Variants in MAP3K19 observed in about 807,000 individuals in gnomAD.
MAP3K19 encodes mitogen-activated protein kinase kinase kinase 19, also known as SPS1/STE20-related protein kinase YSK4.
MAP3K19 carries 91 observed loss-of-function variants against 114.4 expected under a neutral mutation model. That is an observed-to-expected ratio of 0.80 (90% CI 0.67 to 0.95). The LOEUF (loss-of-function observed/expected upper bound fraction) is 0.95, where lower values mean the gene tolerates loss of function less well. MAP3K19 is among the 40% of genes least tolerant of loss of function. The pLI is 0.00. For synonymous variants in MAP3K19, 518 were observed against 530.5 expected, an observed-to-expected ratio of 0.98 and a Z score of 0.32; for missense variants, 1,471 against 1,573.2, an observed-to-expected ratio of 0.94 and a Z score of 1.10.
chr2:135,026,499 C>T (rs1386850807), intron 3 of MAP3K19, among the ~76,000 whole-genome samples: 1 of 138,324 alleles, frequency 7.2e-6, no homozygotes, highest in Admixed American at 7.3e-5. Flanking sequence ...GAAGCTCCCT[C>T]CTCCTTTTTT....
chr2:135,017,221 C>G (rs1687636204), intron 5 of MAP3K19, among the ~76,000 whole-genome samples: 1 of 152,134 alleles, frequency 6.6e-6, no homozygotes, highest in African/African-American at 2.4e-5. Flanking sequence ...GTGGGCTTCG[C>G]TGGGTTAATC....
chr2:135,031,967 CT>C (rs1688391288), intron 2 of MAP3K19, among the ~76,000 whole-genome samples: 1 of 152,130 alleles, frequency 6.6e-6, no homozygotes, highest in South Asian at 2.1e-4. Context: ...ATTTCAAGTG[CT>C]TCTGCATGAA....
At chr2:135,042,514 A>AAAAGAAAAAAGAAAATT in intron 1 of MAP3K19, among the ~76,000 whole-genome samples, 1 of 147,074 alleles carries the variant, frequency 6.8e-6, no homozygotes, top group South Asian at 2.2e-4. Flanking sequence ...AAAAAAAAAA[A>AAAAGAAAAAAGAAAATT]AAAAAGAAAA....
intron 8 of MAP3K19, among the ~76,000 whole-genome samples, chr2:134,996,526 G>A (rs1237312349): frequency 2.0e-5 from 3 of 152,020 alleles, no homozygotes; most frequent in Admixed American, 2.0e-4. Context: ...ATCCTATAGC[G>A]GAACAAAGAA....
intron 5 of MAP3K19, among the ~76,000 whole-genome samples, chr2:135,015,747 G>C (rs956521978): frequency 6.6e-6 from 1 of 151,932 alleles, no homozygotes; most frequent in Non-Finnish European, 1.5e-5. Flanking sequence ...ACAAAAATTA[G>C]CCGGGCATGG....
chr2:135,038,763 C>T (rs1236254018), intron 2 of MAP3K19, among the ~76,000 whole-genome samples: 1 of 151,608 alleles, frequency 6.6e-6, no homozygotes, highest in Admixed American at 6.6e-5. Flanking sequence ...GAGACTGAGG[C>T]ATGAGAATCG....
In MAP3K19 at chr2:134,985,986, A is replaced by C; in HGVS notation, c.2886T>G (p.Asn962Lys). 1 of 1,613,676 alleles carries C rather than the reference A, an allele frequency of 6.2e-7. No homozygotes were observed. Among genetic ancestry groups the C allele is most frequent in the Non-Finnish European group, 8.5e-7 (1 of 1,179,848 alleles). Residue 962 changes from asparagine to lysine, a missense_variant, in exon 10 of 13, where the codon AAT (asparagine) becomes AAG (lysine). Coordinates refer to ENST00000392915, the MANE Select transcript of MAP3K19 (RefSeq NM_025052.5). ...ISQEIMDSVN[N>K]EELTDELLGC... ...CTAATAGTTCATCTGTCAATTCTTC[A>C]TTATTTACAGAGTCCATAATTTCTT...
At chr2:135,039,135 T>C (rs1688595933) in intron 2 of MAP3K19, among the ~76,000 whole-genome samples, 3 of 151,000 alleles carry the variant, frequency 2.0e-5, no homozygotes, top group Admixed American at 2.0e-4. Flanking sequence ...TTTTTTTTTT[T>C]TTTTTTTAGC....
At chr2:134,991,300 CA>C in intron 9 of MAP3K19, 1 of 466,974 alleles carries the variant, frequency 2.1e-6, no homozygotes, top group Non-Finnish European at 3.8e-6. Flanking sequence ...GACTCTGTCT[CA>C]AAAAACAAAA....
At chr2:134,989,884 C>A (rs964042714) in intron 9 of MAP3K19, among the ~76,000 whole-genome samples, 4 of 152,052 alleles carry the variant, frequency 2.6e-5, no homozygotes, top group African/African-American at 7.2e-5. Flanking sequence ...GAGTTCAAGA[C>A]CCACCTGACC....
In MAP3K19 at chr2:134,981,012, G is replaced by A. The variant is rs771684660; in HGVS notation, c.3729C>T (p.Gly1243=). The A allele has an allele frequency of 9.9e-6, 16 of 1,614,082 alleles. No individual in the cohort carries two copies. The African/African-American group carries it at 2.1e-4, about 22-fold the overall frequency. ...TCCAGATATCTGATTTCCGTCCATAGCCAGACTCATTGATGACTTCTGGGG... is the reference window on the plus strand; with the variant it reads ...TCCAGATATCTGATTTCCGTCCATAACCAGACTCATTGATGACTTCTGGGG... ...WMAPEVINES[G]YGRKSDIWSI... The change falls in exon 12 of 13, where the codon GGC becomes GGT. Residue 1243 remains glycine (G), a synonymous_variant. Transcript: ENST00000392915.
intron 4 of MAP3K19, among the ~76,000 whole-genome samples, chr2:135,022,146 C>T (rs1393091285): frequency 6.6e-6 from 1 of 152,068 alleles, no homozygotes; most frequent in Non-Finnish European, 1.5e-5. Context: ...TAGGATGAAT[C>T]GATCATCCTA....
At chr2:135,003,002 G>T (rs1272222161) in intron 6 of MAP3K19, among the ~76,000 whole-genome samples, 2 of 152,150 alleles carry the variant, frequency 1.3e-5, no homozygotes, top group Non-Finnish European at 2.9e-5. Flanking sequence ...AGAAACGAAG[G>T]TTACATGAGG....
At chr2:134,973,548 T>G (rs1684016739) in intron 12 of MAP3K19, among the ~76,000 whole-genome samples, 4 of 152,350 alleles carry the variant, frequency 2.6e-5, no homozygotes, top group Admixed American at 2.6e-4. Flanking sequence ...AGTATATTTT[T>G]GGGTCACTTT....
At chr2:135,025,472 G>A in intron 3 of MAP3K19, among the ~76,000 whole-genome samples, 1 of 139,222 alleles carries the variant, frequency 7.2e-6, no homozygotes, top group Non-Finnish European at 1.5e-5. Flanking sequence ...TGCAAGCTCT[G>A]CCTCCCGGGT....
chr2:135,015,676 C>T (rs950929622), intron 5 of MAP3K19, among the ~76,000 whole-genome samples: 16 of 152,064 alleles, frequency 1.1e-4, no homozygotes, highest in South Asian at 4.2e-4. Context: ...GGGTGGATCA[C>T]GAGGTCAGGA....
At position 135,005,497 on chromosome 2, in the gene MAP3K19, G is replaced by T. The variant is rs765996655; in HGVS notation, c.173C>A (p.Thr58Lys). 6.2e-7 allele frequency: 1 copy of T among 1,614,110 alleles called. No individual in the cohort carries two copies. Among genetic ancestry groups the T allele is most frequent in the Non-Finnish European group, 8.5e-7 (1 of 1,179,968 alleles). ...FDQDGDCSHSTLVNEEEDPSG... is the reference protein window; with the variant it reads ...FDQDGDCSHSKLVNEEEDPSG... ...GGGATCTTCTTCTTCATTAACCAGT[G>T]TGGAATGACTGCAGTCACCATCTTG... Residue 58 changes from threonine to lysine, a missense_variant, in exon 6 of 13, where the codon ACA becomes AAA. Thr to Lys is a moderately conservative substitution (Grantham distance 78). Coordinates refer to ENST00000392915, the MANE Select transcript of MAP3K19 (RefSeq NM_025052.5).
At chr2:135,042,593 G>C (rs1489589064) in intron 1 of MAP3K19, among the ~76,000 whole-genome samples, 1 of 152,066 alleles carries the variant, frequency 6.6e-6, no homozygotes, top group Non-Finnish European at 1.5e-5. Flanking sequence ...AAGGAGAATG[G>C]GCAGCTCTGA....
At chr2:135,027,833 T>C (rs1011750839) in intron 3 of MAP3K19, among the ~76,000 whole-genome samples, 1 of 152,202 alleles carries the variant, frequency 6.6e-6, no homozygotes, top group Non-Finnish European at 1.5e-5. Flanking sequence ...AGGGAACTGA[T>C]GAGGTGAAAG....
Sources: allele counts gnomAD v4.1 joint callset (sites outside exome capture counted in the v4.1 genomes callset), GRCh38; gene constraint gnomAD v4.1.1; transcripts MANE v1.5; gene names NCBI Gene and HGNC (gene_info 2026-07-23, HGNC 2026-07-21).